KYAT3: variants seen among roughly 807,000 people sequenced by gnomAD.
KYAT3 encodes kynurenine--oxoglutarate transaminase 3.
In KYAT3, 50 loss-of-function variants were observed where a neutral mutation model predicts 59.0. That is an observed-to-expected ratio of 0.85 (90% CI 0.68 to 1.07). The LOEUF (loss-of-function observed/expected upper bound fraction) is 1.07. Among genes scored for constraint, KYAT3 ranks in the 50% least tolerant of loss-of-function variants. The pLI is 0.00. For synonymous variants in KYAT3, 148 were observed against 177.0 expected (o/e 0.84, Z 1.30); for missense variants, 497 against 533.3 (o/e 0.93, Z 0.67).
At chr1:88,990,297 C>A (rs72726528) in intron 1 of KYAT3, among the ~76,000 whole-genome samples, 35,694 of 103,812 alleles carry the variant, frequency 0.34, 4,948 homozygotes, top group Admixed American at 0.38. Context: ...ACAAAAAACA[C>A]AAAAAATAAA....
intron 2 of KYAT3, chr1:88,979,436 G>GA (rs1346816321): frequency 6.6e-6 from 1 of 152,134 alleles, no homozygotes. Flanking sequence ...TATAATGAAA[G>GA]AAAAGTATTT....
At chr1:88,927,889 T>C in the KYAT3 span, among the ~76,000 whole-genome samples, 2 of 152,168 alleles carry the variant, frequency 1.3e-5, no homozygotes, top group Middle Eastern at 3.2e-3. Flanking sequence ...CCGCCATAAC[T>C]GCAGCCCGAG....
chr1:88,926,805 TC>T, the KYAT3 span, among the ~76,000 whole-genome samples: 1 of 152,134 alleles, frequency 6.6e-6, no homozygotes, highest in African/African-American at 2.4e-5. Context: ...ACTATCTCAA[TC>T]CTGACTCAAA....
At chr1:88,963,848 C>T (rs1399140642) in intron 5 of KYAT3, among the ~76,000 whole-genome samples, 3 of 152,164 alleles carry the variant, frequency 2.0e-5, no homozygotes, top group African/African-American at 7.2e-5. Context: ...GAGGTAGTTG[C>T]AAAAGTTGGT....
downstream of KYAT3, among the ~76,000 whole-genome samples, chr1:88,931,658 C>A (rs1260069160): frequency 6.6e-6 from 1 of 151,980 alleles, no homozygotes; most frequent in Admixed American, 6.6e-5. Context: ...CCTTTAAACA[C>A]GGGGCTTGCA....
At chr1:88,922,601 C>T in the KYAT3 span, among the ~76,000 whole-genome samples, 1 of 152,176 alleles carries the variant, frequency 6.6e-6, no homozygotes, top group Admixed American at 6.5e-5. Flanking sequence ...GAGAATCTAA[C>T]TAATGCCTGA....
downstream of KYAT3, among the ~76,000 whole-genome samples, chr1:88,930,964 G>T (rs1011619637): frequency 1.3e-5 from 2 of 152,120 alleles, no homozygotes; most frequent in African/African-American, 4.8e-5. Context: ...GACCCCTAGT[G>T]TGGGGTAATC....
At chr1:88,933,678 A>G (rs1025487003), downstream of KYAT3, among the ~76,000 whole-genome samples, 2 of 152,208 alleles carry the variant, frequency 1.3e-5, no homozygotes, top group Non-Finnish European at 2.9e-5. Flanking sequence ...GTGTGAGGAA[A>G]TAAGATCCAG....
At chr1:88,962,588 T>A (rs1676188755) in intron 5 of KYAT3, among the ~76,000 whole-genome samples, 1 of 152,208 alleles carries the variant, frequency 6.6e-6, no homozygotes, top group Admixed American at 6.6e-5. Flanking sequence ...CACTGTAATG[T>A]TCCCTGGTAT....
intron 8 of KYAT3, among the ~76,000 whole-genome samples, chr1:88,960,704 G>C (rs17130669): frequency 0.033 from 4,949 of 152,232 alleles, 243 homozygotes; most frequent in African/African-American, 0.11. Context: ...CCAGCAGACA[G>C]TACGGCATTC....
the KYAT3 span, among the ~76,000 whole-genome samples, chr1:88,922,913 C>G: frequency 6.6e-6 from 1 of 152,128 alleles, no homozygotes; most frequent in East Asian, 1.9e-4. Context: ...AGAAAGTGTC[C>G]TCTTTTGCTG....
chr1:88,974,833 C>T (rs1045559920), intron 2 of KYAT3, among the ~76,000 whole-genome samples: 2 of 152,110 alleles, frequency 1.3e-5, no homozygotes, highest in Non-Finnish European at 2.9e-5. Flanking sequence ...GTAAACACAC[C>T]AATTAGCACT....
intron 5 of KYAT3, among the ~76,000 whole-genome samples, chr1:88,963,069 T>C (rs1031839941): frequency 6.6e-6 from 1 of 152,006 alleles, no homozygotes; most frequent in Non-Finnish European, 1.5e-5. Flanking sequence ...TCCTAGAACT[T>C]ATATCCTACT....
intron 13 of KYAT3, among the ~76,000 whole-genome samples, chr1:88,942,498 T>A (rs1675273910): frequency 6.6e-6 from 1 of 152,202 alleles, no homozygotes; most frequent in African/African-American, 2.4e-5. Context: ...ATTGTCATAT[T>A]ACATGGTAAG....
intron 4 of KYAT3, 96 bp from the exon 5 acceptor site, chr1:88,965,074 TGG>T (rs1676294308): frequency 1.1e-6 from 1 of 940,444 alleles, no homozygotes; most frequent in Admixed American, 3.2e-5. Flanking sequence ...TTTTAAAATT[TGG>T]ATTTGATGTT....
At chr1:88,929,669 G>A in the KYAT3 span, among the ~76,000 whole-genome samples, 2 of 152,080 alleles carry the variant, frequency 1.3e-5, no homozygotes, top group South Asian at 2.1e-4. Flanking sequence ...AAATTTCCTC[G>A]CCATCTGTGG....
At chr1:88,926,099 C>T in the KYAT3 span, among the ~76,000 whole-genome samples, 3 of 152,188 alleles carry the variant, frequency 2.0e-5, no homozygotes, top group African/African-American at 7.2e-5. Context: ...TTAGAGGAAA[C>T]CTCATTGTGA....
chr1:88,985,239 G>A (rs914334825), intron 2 of KYAT3, among the ~76,000 whole-genome samples: 1 of 152,186 alleles, frequency 6.6e-6, no homozygotes, highest in East Asian at 1.9e-4. Context: ...AAGGGAGTGC[G>A]TGAGTATTGT....
chr1:88,957,760 A>G (rs1012861147), intron 8 of KYAT3, among the ~76,000 whole-genome samples: 34 of 152,308 alleles, frequency 2.2e-4, no homozygotes, highest in African/African-American at 7.2e-4. Flanking sequence ...ATAAATTTCA[A>G]GATGATCTAA....
Sources: gnomAD v4.1 joint callset for allele counts (sites outside exome capture counted in the v4.1 genomes callset) on GRCh38, gnomAD v4.1.1 for gene constraint, MANE v1.5 for transcripts, NCBI Gene and HGNC (gene_info 2026-07-23, HGNC 2026-07-21) for gene names.